Variants in EBF2 observed in about 807,000 individuals in gnomAD.
EBF2 encodes the protein transcription factor COE2.
EBF2 carries 21 observed loss-of-function variants against 72.8 expected under a neutral mutation model. The observed-to-expected ratio is 0.29, with a 90% CI of 0.20 to 0.42. The LOEUF is 0.42. EBF2 is among the 10% of genes least tolerant of loss of function. The probability of loss-of-function intolerance (pLI) is 1.00; values close to 1 mark genes in which losing one functional copy is unlikely to be tolerated. For synonymous variants in EBF2, 299 were observed against 274.2 expected (o/e 1.09, Z -0.89); for missense variants, 637 against 731.2 (o/e 0.87, Z 1.49).
At chr8:25,878,641 G>A (rs910004954) in intron 10 of EBF2, among the ~76,000 whole-genome samples, 10 of 152,172 alleles carry the variant, frequency 6.6e-5, no homozygotes, top group Middle Eastern at 3.2e-3. Context: ...CAGTAACCTC[G>A]GGGTGGAAGT....
chr8:25,872,232 C>T (rs1171557516), intron 10 of EBF2, among the ~76,000 whole-genome samples: 1 of 152,128 alleles, frequency 6.6e-6, no homozygotes, highest in Non-Finnish European at 1.5e-5. Context: ...TCTTGACCAG[C>T]AGGAGCACTG....
chr8:25,955,868 T>C (rs1414279464), intron 6 of EBF2, among the ~76,000 whole-genome samples: 3 of 152,204 alleles, frequency 2.0e-5, no homozygotes, highest in Admixed American at 6.5e-5. Context: ...TTTGGGAATA[T>C]AGCTTGTCCC....
At chr8:25,887,697 A>C (rs1802714473) in intron 9 of EBF2, 145 bp downstream of exon 9, 2 of 835,306 alleles carry the variant, frequency 2.4e-6, no homozygotes, top group Non-Finnish European at 3.4e-6. Flanking sequence ...ATAATACTGC[A>C]GTGGATACTT....
intron 6 of EBF2, among the ~76,000 whole-genome samples, chr8:25,915,608 G>A (rs1433494711): frequency 7.2e-4 from 94 of 130,910 alleles, no homozygotes; most frequent in East Asian, 2.0e-3. Flanking sequence ...CAGCCTTTTG[G>A]AAAAAAAAAA....
At chr8:26,035,672 A>G (rs535051383) in intron 5 of EBF2, among the ~76,000 whole-genome samples, 8 of 152,234 alleles carry the variant, frequency 5.3e-5, no homozygotes, top group Non-Finnish European at 1.0e-4. Context: ...AAGAAATTTA[A>G]TCAAATTAGT....
At chr8:25,908,222 A>C (rs1319167142) in intron 7 of EBF2, among the ~76,000 whole-genome samples, 1 of 152,188 alleles carries the variant, frequency 6.6e-6, no homozygotes, top group Admixed American at 6.5e-5. Context: ...CCGAGGGCTG[A>C]AAATCAAATC....
chr8:25,934,563 A>G (rs913211525), intron 6 of EBF2, among the ~76,000 whole-genome samples: 1 of 152,178 alleles, frequency 6.6e-6, no homozygotes, highest in Non-Finnish European at 1.5e-5. Context: ...GACTCTGTCC[A>G]TGTCGTATCA....
At chr8:26,038,415 A>G (rs1431740886) in intron 5 of EBF2, among the ~76,000 whole-genome samples, 1 of 152,188 alleles carries the variant, frequency 6.6e-6, no homozygotes, top group East Asian at 1.9e-4. Context: ...GGAGGATTTG[A>G]TTGGGCTTAA....
chr8:25,919,019 C>T (rs767226136), intron 6 of EBF2, among the ~76,000 whole-genome samples: 8 of 152,068 alleles, frequency 5.3e-5, no homozygotes, highest in Non-Finnish European at 8.8e-5. Context: ...CAAAAACACC[C>T]GAGATCCATC....
chr8:26,042,878 C>T (rs1024363230), intron 1 of EBF2, among the ~76,000 whole-genome samples: 7 of 152,162 alleles, frequency 4.6e-5, no homozygotes, highest in Non-Finnish European at 1.0e-4. Flanking sequence ...CTCGCTCTTC[C>T]GAAAAGTTGT....
chr8:25,937,181 A>G (rs1030843378), intron 6 of EBF2, among the ~76,000 whole-genome samples: 1 of 152,216 alleles, frequency 6.6e-6, no homozygotes, highest in Admixed American at 6.5e-5. Context: ...CAAAGCCATG[A>G]TGTCTTTTCT....
At chr8:25,872,382 G>C (rs555791527) in intron 10 of EBF2, among the ~76,000 whole-genome samples, 1 of 152,280 alleles carries the variant, frequency 6.6e-6, no homozygotes, top group Non-Finnish European at 1.5e-5. Context: ...GCTGGCCTCG[G>C]TTGCAGCTTT....
At chr8:25,951,210 G>A (rs539550583) in intron 6 of EBF2, among the ~76,000 whole-genome samples, 1 of 152,124 alleles carries the variant, frequency 6.6e-6, no homozygotes, top group African/African-American at 2.4e-5. Context: ...TCATTTTCAT[G>A]TATTATTTTT....
chr8:26,006,059 T>C (rs1431488319), intron 6 of EBF2, among the ~76,000 whole-genome samples: 3 of 152,096 alleles, frequency 2.0e-5, no homozygotes, highest in African/African-American at 7.2e-5. Flanking sequence ...CAAACATCCT[T>C]GGACAGAGAC....
At chr8:25,902,492 T>A (rs1022808009) in intron 7 of EBF2, among the ~76,000 whole-genome samples, 3 of 152,004 alleles carry the variant, frequency 2.0e-5, no homozygotes, top group Non-Finnish European at 2.9e-5. Context: ...CTCTTAAAAA[T>A]TTATTTAATA....
chr8:25,888,525 C>G (rs1802728750), intron 8 of EBF2, among the ~76,000 whole-genome samples: 1 of 152,176 alleles, frequency 6.6e-6, no homozygotes, highest in South Asian at 2.1e-4. Flanking sequence ...TCTCTCCCCA[C>G]CTCCTCTGCC....
chr8:25,973,788 A>G (rs964517823), intron 6 of EBF2, among the ~76,000 whole-genome samples: 1 of 151,908 alleles, frequency 6.6e-6, no homozygotes, highest in African/African-American at 2.4e-5. Context: ...CGATCTTCCC[A>G]CCTCAGCCTC....
At chr8:25,854,545 A>G (rs1346288716) in intron 14 of EBF2, among the ~76,000 whole-genome samples, 2 of 152,152 alleles carry the variant, frequency 1.3e-5, no homozygotes, top group African/African-American at 4.8e-5. Context: ...TATCCTTTAA[A>G]AATTAACAAT....
At position 25,865,896 on chromosome 8, in the gene EBF2, G is replaced by T. The variant is rs542134095; in HGVS notation, c.1010-3099C>A. Among the ~76,000 whole-genome samples the T allele has an allele frequency of 1.1e-4, 16 of 151,882 alleles. No individual in the cohort carries two copies. The East Asian group carries it at 3.2e-3, about 30-fold the overall frequency. On this transcript the variant is annotated intron_variant, in intron 10 of 15. Transcript: ENST00000520164. ...AAAAATTAGCCGGGCGTGGTGGCGGGTGCCTGTAGTCCCAGCTACTCGGGA... is the reference window on the plus strand; with the variant it reads ...AAAAATTAGCCGGGCGTGGTGGCGGTTGCCTGTAGTCCCAGCTACTCGGGA...
Sources: gnomAD v4.1 joint callset for allele counts (sites outside exome capture counted in the v4.1 genomes callset) on GRCh38, gnomAD v4.1.1 for gene constraint, MANE v1.5 for transcripts, NCBI Gene and HGNC (gene_info 2026-07-23, HGNC 2026-07-21) for gene names.